FANCI: variants seen among roughly 807,000 people sequenced by gnomAD.
FANCI encodes FA complementation group I, also known as Fanconi anemia group I protein.
Under a neutral mutation model 176.1 loss-of-function variants are expected in FANCI, and 156 were observed. That is an observed-to-expected ratio of 0.89 (90% CI 0.78 to 1.01). The LOEUF (loss-of-function observed/expected upper bound fraction) is 1.01. Ranked by LOEUF, FANCI falls within the 50% of genes least tolerant of loss-of-function variation. The probability of loss-of-function intolerance (pLI) is 0.00; values close to 1 mark genes in which losing one functional copy is unlikely to be tolerated. For missense variants in FANCI, 1,678 were observed against 1,534.1 expected (o/e 1.09, Z -1.57); for synonymous variants, 613 against 541.7 (o/e 1.13, Z -1.83).
chr15:89,263,766 C>T, intron 7 of FANCI, 137 bp from the exon 8 acceptor site: 1 of 1,063,078 alleles, frequency 9.4e-7, no homozygotes, highest in Non-Finnish European at 1.4e-6. Context: ...TCTATTATCT[C>T]TTTAATTCTC....
intron 11 of FANCI, among the ~76,000 whole-genome samples, 184 bp downstream of exon 11, chr15:89,273,653 CTT>C: frequency 6.6e-6 from 1 of 151,906 alleles, no homozygotes; most frequent in South Asian, 2.1e-4. Flanking sequence ...TGATGGAAAA[CTT>C]TTACAGGTTT....
intron 24 of FANCI, among the ~76,000 whole-genome samples, chr15:89,299,203 C>G (rs1281655403): frequency 6.6e-6 from 1 of 151,330 alleles, no homozygotes; most frequent in African/African-American, 2.4e-5. Flanking sequence ...AATCTTATCT[C>G]TATTCAAAAA....
intron 14 of FANCI, among the ~76,000 whole-genome samples, chr15:89,279,157 T>C (rs2053519534): frequency 1.3e-5 from 2 of 152,044 alleles, no homozygotes. Context: ...GTTGTTGTTG[T>C]TGTTGTTGTT....
At position 89,294,858 on chromosome 15, in the gene FANCI, T is replaced by C. The variant is rs2054193643; in HGVS notation, c.2457-57T>C. ...AATTTCTAGAAAGCTTAATTCCATA[T>C]ACCAATAGCAGTAAGGGAATCTTCC... On this transcript the variant is annotated intron_variant, in intron 23 of 37. Transcript: ENST00000310775. The C allele has an allele frequency of 4.0e-6, 6 of 1,513,628 alleles. No individual in the cohort carries two copies. In the Admixed American group the frequency reaches 1.3e-4, roughly 32 times the overall value. The allele number at this position is 1,513,628 out of a possible 1,614,324, so 93.8% of individuals were successfully genotyped here. A position where few individuals can be genotyped will look rare whatever the true frequency, so the allele number is the denominator to read the frequency against.
chr15:89,248,887 A>G (rs139330168), intron 2 of FANCI, among the ~76,000 whole-genome samples: 417 of 152,260 alleles, frequency 2.7e-3, no homozygotes, highest in Non-Finnish European at 3.1e-3. Flanking sequence ...TTTAGAATCC[A>G]TGTTAAAAAC....
intron 3 of FANCI, chr15:89,259,049 T>C: frequency 1.2e-5 from 5 of 422,968 alleles, no homozygotes; most frequent in South Asian, 1.1e-4. Context: ...GGTTTACTTG[T>C]GCTTTTAAGA....
At chr15:89,246,153 T>C (rs1166059243) in intron 1 of FANCI, among the ~76,000 whole-genome samples, 3 of 152,172 alleles carry the variant, frequency 2.0e-5, no homozygotes, top group African/African-American at 7.2e-5. Flanking sequence ...AGATTTTCTT[T>C]CTACTAGGCT....
intron 24 of FANCI, among the ~76,000 whole-genome samples, chr15:89,295,463 C>T (rs568094911): frequency 2.0e-5 from 3 of 151,582 alleles, no homozygotes; most frequent in South Asian, 2.1e-4. Flanking sequence ...GTTGGGAGTT[C>T]GAGACCAGTC....
chr15:89,303,620 C>G (rs998931235), intron 27 of FANCI, among the ~76,000 whole-genome samples: 1 of 152,280 alleles, frequency 6.6e-6, no homozygotes, highest in African/African-American at 2.4e-5. Context: ...TGTAAGGACC[C>G]TAAAACTTTT....
At chr15:89,303,962 A>G (rs764860604) in intron 28 of FANCI, 47 bp downstream of exon 28, 2 of 1,556,168 alleles carry the variant, frequency 1.3e-6, no homozygotes, top group Admixed American at 1.7e-5. Context: ...TAAAATCACT[A>G]TCCTCCAGTG....
At chr15:89,303,950 T>A in intron 28 of FANCI, 35 bp downstream of exon 28, 1 of 1,601,610 alleles carries the variant, frequency 6.2e-7, no homozygotes, top group South Asian at 1.1e-5. Flanking sequence ...AAAGGCTTTA[T>A]ATAAAATCAC....
intron 1 of FANCI, 91 bp from the exon 2 acceptor site, chr15:89,247,538 G>C (rs1350040676): frequency 1.1e-6 from 1 of 877,616 alleles, no homozygotes; most frequent in Non-Finnish European, 2.0e-6. Context: ...TGCATAATAG[G>C]TATGAAATAT....
chr15:89,247,795 CAT>C, intron 2 of FANCI, 64 bp downstream of exon 2: 1 of 1,430,204 alleles, frequency 7.0e-7, no homozygotes. Context: ...ATTCAAAGGA[CAT>C]GTGAGAAAGA....
intron 2 of FANCI, among the ~76,000 whole-genome samples, chr15:89,250,582 T>TA (rs1346376823): frequency 4.0e-5 from 6 of 149,150 alleles, no homozygotes; most frequent in Non-Finnish European, 6.0e-5. Context: ...CATTAGGAGA[T>TA]ACACCTAATG....
chr15:89,304,049 C>G (rs1415367026), intron 28 of FANCI, 134 bp downstream of exon 28: 4 of 811,292 alleles, frequency 4.9e-6, no homozygotes, highest in Non-Finnish European at 8.5e-6. Context: ...ACACCTAATA[C>G]CAAGTCGAAT....
At chr15:89,276,602 C>A in intron 12 of FANCI, 109 bp from the exon 13 acceptor site, 3 of 1,169,750 alleles carry the variant, frequency 2.6e-6, no homozygotes, top group South Asian at 2.5e-5. Context: ...ATGCAGAGTA[C>A]GTTGATTATC....
At chr15:89,305,841 TAGA>T (rs1596325381) in intron 31 of FANCI, 143 bp downstream of exon 31, 7 of 1,093,430 alleles carry the variant, frequency 6.4e-6, no homozygotes, top group Non-Finnish European at 9.6e-6. Context: ...ATGAAAGAAG[TAGA>T]AGATCATATG....
chr15:89,294,256 C>G (rs573066391), intron 23 of FANCI, among the ~76,000 whole-genome samples: 2 of 152,178 alleles, frequency 1.3e-5, no homozygotes, highest in Admixed American at 6.5e-5. Flanking sequence ...TTAAGAAAAT[C>G]TATGTAAGTA....
In FANCI at chr15:89,264,009, CTGG is replaced by C; in HGVS notation, c.654_656del (p.Val219del). On this transcript the variant is annotated inframe_deletion, in exon 8 of 38. Coordinates refer to ENST00000310775, the MANE Select transcript of FANCI (RefSeq NM_001113378.2). The stretch of plus-strand genomic sequence containing the variant: ...AATACCACCTTTGGTCTATCAGCTT[CTGG>C]TTCTCTCCTCCAAGGTACAAATGGA... 6.2e-7 allele frequency: 1 copy of C among 1,614,080 alleles called. No homozygotes were observed. Among genetic ancestry groups the C allele is most frequent in the East Asian group, 2.2e-5 (1 of 44,852 alleles).
Sources: gnomAD v4.1 joint callset for allele counts (sites outside exome capture counted in the v4.1 genomes callset) on GRCh38, gnomAD v4.1.1 for gene constraint, MANE v1.5 for transcripts, NCBI Gene and HGNC (gene_info 2026-07-23, HGNC 2026-07-21) for gene names.